Variants in PLEKHA6 observed in about 807,000 individuals in gnomAD.
The protein encoded by PLEKHA6 is pleckstrin homology domain-containing family A member 6.
Under a neutral mutation model 116.7 loss-of-function variants are expected in PLEKHA6, and 60 were observed. The observed-to-expected ratio is 0.51, with a 90% CI of 0.42 to 0.64. PLEKHA6 has a LOEUF of 0.64. Among genes scored for constraint, PLEKHA6 ranks in the 30% least tolerant of loss-of-function variants. PLEKHA6 has a pLI of 0.00. For synonymous variants in PLEKHA6, 489 were observed against 556.1 expected (o/e 0.88, Z 1.70); for missense variants, 1,338 against 1,422.7 (o/e 0.94, Z 0.96).
chr1:204,360,877 G>C (rs2103392619), upstream of PLEKHA6, among the ~76,000 whole-genome samples: 1 of 152,306 alleles, frequency 6.6e-6, no homozygotes, highest in South Asian at 2.1e-4. Flanking sequence ...TTTCTGCTTA[G>C]ACAAAGATTG....
intron 1 of PLEKHA6, among the ~76,000 whole-genome samples, chr1:204,344,971 G>A (rs1672980814): frequency 6.6e-6 from 1 of 152,158 alleles, no homozygotes; most frequent in Admixed American, 6.5e-5. Flanking sequence ...CCTGCCCCAA[G>A]CATAATGCCT....
intron 1 of PLEKHA6, among the ~76,000 whole-genome samples, chr1:204,291,959 A>G (rs1669810727): frequency 6.6e-6 from 1 of 152,218 alleles, no homozygotes; most frequent in Non-Finnish European, 1.5e-5. Flanking sequence ...ACATTAAAAC[A>G]ACGACTGCTA....
At chr1:204,244,077 A>T (rs11585980) in intron 15 of PLEKHA6, among the ~76,000 whole-genome samples, 45 of 151,152 alleles carry the variant, frequency 3.0e-4, no homozygotes, top group Non-Finnish European at 5.0e-4. Flanking sequence ...CACCTCAGCC[A>T]CCCAAAGTTC....
At chr1:204,245,046 G>A (rs1489153253) in intron 14 of PLEKHA6, 43 bp from the exon 15 acceptor site, 2 of 1,358,904 alleles carry the variant, frequency 1.5e-6, no homozygotes, top group Non-Finnish European at 1.9e-6. Flanking sequence ...GAGGAGGGGT[G>A]CGGCCTGGTG....
rs114000750 is a variant in PLEKHA6, at chr1:204,343,209, G to A, written c.-95+16485C>T. Among the ~76,000 whole-genome samples, 686 of 152,288 alleles carry A rather than the reference G, an allele frequency of 4.5e-3. 5 individuals carry two copies. Among genetic ancestry groups the A allele is most frequent in the African/African-American group, 0.014 (592 of 41,546 alleles). On this transcript the variant is annotated intron_variant, in intron 1 of 22. Transcript: ENST00000272203. ...AATAGAAATATATCATCAAGTTGGA[G>A]GGCATCAGGGTCCCATGGAACAGAC...
chr1:204,361,898 C>T (rs1197222938), upstream of PLEKHA6, among the ~76,000 whole-genome samples: 1 of 152,232 alleles, frequency 6.6e-6, no homozygotes, highest in Non-Finnish European at 1.5e-5. Flanking sequence ...GACAGAGACC[C>T]CAGCCCAAGC....
intron 1 of PLEKHA6, among the ~76,000 whole-genome samples, chr1:204,312,835 T>C (rs1370206178): frequency 6.6e-6 from 1 of 150,974 alleles, no homozygotes; most frequent in Non-Finnish European, 1.5e-5. Flanking sequence ...TCAAGGCCCT[T>C]AGCCCATTTT....
In PLEKHA6 at chr1:204,345,002, C is replaced by G. The variant is rs1672982609; in HGVS notation, c.-95+14692G>C. 3.3e-5 allele frequency among the ~76,000 whole-genome samples: 5 copies of G among 152,224 alleles called. 1 individual carries two copies. The South Asian group carries it at 1.0e-3, about 31-fold the overall frequency. On this transcript the variant is annotated intron_variant, in intron 1 of 22. Coordinates refer to ENST00000272203, the MANE Select transcript of PLEKHA6 (RefSeq NM_014935.5). ...TGCCTGGAGAAGGTGGGGAAAGCGA[C>G]TTACCGAGCACCAACTCTTTCAAGA...
chr1:204,227,932 C>T, intron 21 of PLEKHA6, 151 bp downstream of exon 21: 1 of 812,462 alleles, frequency 1.2e-6, no homozygotes, highest in Non-Finnish European at 1.9e-6. Flanking sequence ...GTACCTGGTG[C>T]TCAACAGATG....
intron 1 of PLEKHA6, among the ~76,000 whole-genome samples, chr1:204,312,110 T>C (rs1671675961): frequency 6.6e-6 from 1 of 152,228 alleles, no homozygotes; most frequent in Non-Finnish European, 1.5e-5. Flanking sequence ...GTTAGCTAAC[T>C]TGCCCAGCAT....
At chr1:204,245,764 T>G (rs1318006971) in intron 13 of PLEKHA6, 38 bp from the exon 14 acceptor site, 11 of 1,430,494 alleles carry the variant, frequency 7.7e-6, no homozygotes, top group Non-Finnish European at 9.8e-6. Flanking sequence ...GAAATGGCCA[T>G]GAGGAGTGTC....
At chr1:204,290,875 A>G (rs563370623) in intron 1 of PLEKHA6, among the ~76,000 whole-genome samples, 12 of 151,916 alleles carry the variant, frequency 7.9e-5, no homozygotes, top group South Asian at 6.3e-4. Flanking sequence ...CTGTAATCCC[A>G]GCTACTCAGG....
chr1:204,334,649 A>G (rs1672577879), intron 1 of PLEKHA6, among the ~76,000 whole-genome samples: 1 of 152,190 alleles, frequency 6.6e-6, no homozygotes, highest in Non-Finnish European at 1.5e-5. Context: ...CTGTCATCCC[A>G]GCACTTTGGG....
chr1:204,313,607 T>G, intron 1 of PLEKHA6: 1 of 985,132 alleles, frequency 1.0e-6, no homozygotes, highest in Non-Finnish European at 1.2e-6. Context: ...TTGTTGGCAG[T>G]CTATATTCCA....
chr1:204,291,043 G>C (rs1342743083), intron 1 of PLEKHA6, among the ~76,000 whole-genome samples: 1 of 146,918 alleles, frequency 6.8e-6, no homozygotes, highest in African/African-American at 2.5e-5. Flanking sequence ...GCCATAAACA[G>C]AGAAAATATT....
intron 1 of PLEKHA6, among the ~76,000 whole-genome samples, chr1:204,278,787 G>A (rs1668287089): frequency 6.6e-6 from 1 of 152,086 alleles, no homozygotes; most frequent in African/African-American, 2.4e-5. Flanking sequence ...CCAGTTTCTT[G>A]GGCCCTCTCC....
At chr1:204,327,181 A>AAAT (rs1672272548) in intron 1 of PLEKHA6, 2 of 167,792 alleles carry the variant, frequency 1.2e-5, no homozygotes. Context: ...AGTGAAACAG[A>AAAT]AATACAGTAT....
rs760840127 is a variant in PLEKHA6 at position 204,257,552 on chromosome 1, C to A, written c.1325G>T (p.Ser442Ile). The A allele has an allele frequency of 1.3e-5, 21 of 1,598,906 alleles. No homozygotes were observed. The highest frequency in any genetic ancestry group is 1.8e-5 in the Non-Finnish European group (21 of 1,171,848). ...VYYDELDAAS[S>I]SLRRLSLQPR... ...CTGCAGGGACAGGCGGCGCAGGGAGCTAGAGGCGGCATCCAGCTCATCATA... is the reference window on the plus strand; with the variant it reads ...CTGCAGGGACAGGCGGCGCAGGGAGATAGAGGCGGCATCCAGCTCATCATA... The change falls in exon 9 of 23, where the codon AGC (serine) becomes ATC (isoleucine). Residue 442 changes from serine to isoleucine, a missense_variant. This residue lies in a region of PLEKHA6 where 1,136 missense variants were observed against 1,163.6 expected (regional missense o/e 0.98). Coordinates refer to ENST00000272203, the MANE Select transcript of PLEKHA6 (RefSeq NM_014935.5). The surrounding 1 kb of genome is among the most constrained non-coding windows in gnomAD (Gnocchi z 6.5).
At position 204,250,633 on chromosome 1, in the gene PLEKHA6, G is replaced by A. The variant is rs368495229; in HGVS notation, c.1525-19C>T. The A allele has an allele frequency of 3.4e-5, 54 of 1,579,164 alleles. 1 individual carries two copies. In the South Asian group the frequency reaches 3.7e-4, roughly 11 times the overall value. On this transcript the variant is annotated intron_variant, in intron 9 of 22. Transcript: ENST00000272203. The stretch of plus-strand genomic sequence containing the variant: ...GAGGGACCTGCAGGAACATGAGGCC[G>A]GTTACTGCAGCAGGGGCAGGATGAG...
Sources: gnomAD v4.1 joint callset for allele counts (sites outside exome capture counted in the v4.1 genomes callset) on GRCh38, gnomAD v4.1.1 for gene constraint, gnomAD v4.1.1 regional missense constraint, Gnocchi (gnomAD v3.1) non-coding constraint, MANE v1.5 for transcripts, NCBI Gene and HGNC (gene_info 2026-07-23, HGNC 2026-07-21) for gene names.